TMEM232: variants seen among roughly 807,000 people sequenced by gnomAD.
The protein encoded by TMEM232 is transmembrane protein 232.
A neutral mutation model predicts 78.8 loss-of-function variants in TMEM232; 80 were observed. The observed-to-expected ratio is 1.01, with a 90% CI of 0.85 to 1.22. The LOEUF is 1.22. Ranked by LOEUF, TMEM232 falls within the 50% of genes most tolerant of loss-of-function variation. The probability of loss-of-function intolerance (pLI) is 0.00; values close to 1 mark genes in which losing one functional copy is unlikely to be tolerated. For missense variants in TMEM232, 881 were observed against 742.2 expected (o/e 1.19, Z -2.17); for synonymous variants, 297 against 254.3 (o/e 1.17, Z -1.60).
chr5:110,405,257 T>G (rs2112574256), intron 2 of TMEM232, among the ~76,000 whole-genome samples: 1 of 152,230 alleles, frequency 6.6e-6, no homozygotes, highest in South Asian at 2.1e-4. Context: ...ATAAAGATTC[T>G]GAATGCCAGT....
intron 11 of TMEM232, among the ~76,000 whole-genome samples, chr5:110,558,053 G>C (rs1423566507): frequency 6.6e-6 from 1 of 152,148 alleles, no homozygotes; most frequent in East Asian, 1.9e-4. Flanking sequence ...ATTATTTCAG[G>C]TAGCCAAAGT....
At chr5:110,731,290 C>T (rs148591495), upstream of TMEM232, among the ~76,000 whole-genome samples, 449 of 152,330 alleles carry the variant, frequency 2.9e-3, 1 homozygote, top group African/African-American at 0.01. Context: ...TCCAGGTGCA[C>T]AGTGCAAGCT....
rs748146866 is a variant in TMEM232 at position 110,528,679 on chromosome 5, A to G, written c.1612T>C (p.Leu538=). ...FPPIEAHFLP[L]KKPSIKKDQT... is the part of the protein sequence containing the mutation. ...TCCTTTTTTATTGATGGTTTCTTCA[A>G]AGGAAGAAAATGGGCCTCAATGGGG... Residue 538 remains leucine, a synonymous_variant, in exon 12 of 14, where the codon TTG becomes CTG. Transcript: ENST00000455884. The G allele has an allele frequency of 2.0e-6, 3 of 1,535,250 alleles. No individual in the cohort carries two copies. The highest frequency in any genetic ancestry group is 1.2e-5 in the South Asian group (1 of 83,972).
intron 5 of TMEM232, among the ~76,000 whole-genome samples, chr5:110,629,656 CT>C (rs936892392): frequency 2.6e-5 from 4 of 151,974 alleles, no homozygotes; most frequent in African/African-American, 9.7e-5. Flanking sequence ...CTCTTCTTCT[CT>C]TTTTTTCTGA....
intron 12 of TMEM232, among the ~76,000 whole-genome samples, chr5:110,515,182 G>C (rs1468032805): frequency 6.6e-6 from 1 of 152,186 alleles, no homozygotes; most frequent in Non-Finnish European, 1.5e-5. Flanking sequence ...TCTAAGGGTA[G>C]TACTTCACAT....
chr5:110,607,954 T>G (rs1380409822), intron 8 of TMEM232, among the ~76,000 whole-genome samples: 1 of 151,896 alleles, frequency 6.6e-6, no homozygotes, highest in African/African-American at 2.4e-5. Context: ...GAAGATTTCC[T>G]TAAGTACTCA....
At chr5:110,659,536 A>C (rs1789522815) in intron 2 of TMEM232, among the ~76,000 whole-genome samples, 1 of 152,086 alleles carries the variant, frequency 6.6e-6, no homozygotes, top group Non-Finnish European at 1.5e-5. Context: ...AACATGCAGA[A>C]ATATTTTCCA....
chr5:110,529,113 G>A (rs80024764), intron 11 of TMEM232, among the ~76,000 whole-genome samples: 4,212 of 152,020 alleles, frequency 0.028, 93 homozygotes, highest in African/African-American at 0.06. Context: ...TATACGTGCC[G>A]TGTAAGAATT....
At chr5:110,682,147 A>G (rs1792828177) in intron 1 of TMEM232, among the ~76,000 whole-genome samples, 1 of 152,162 alleles carries the variant, frequency 6.6e-6, no homozygotes, top group South Asian at 2.1e-4. Context: ...AGTAGCTATA[A>G]TTTTTCCTGA....
chr5:110,392,450 T>C (rs200754602), intron 3 of TMEM232, among the ~76,000 whole-genome samples: 1 of 152,226 alleles, frequency 6.6e-6, no homozygotes, highest in Non-Finnish European at 1.5e-5. Flanking sequence ...CAGGCTGTTA[T>C]GACAAAATAT....
intron 1 of TMEM232, among the ~76,000 whole-genome samples, chr5:110,671,687 T>C (rs367732941): frequency 1.8e-4 from 28 of 151,708 alleles, no homozygotes; most frequent in African/African-American, 4.4e-4. Context: ...TAAGTGGGAG[T>C]TGAACACTGA....
rs1370239508 is a variant in TMEM232 at position 110,431,545 on chromosome 5, T to TA, written c.1704-6630dup. On this transcript the variant is annotated intron_variant, in intron 12 of 13. Transcript: ENST00000455884. ...TTAATACAAAAAATCCAGAATTCAA[T>TA]AAAAAATGATAAGGCATACTGGGCA... Among the ~76,000 whole-genome samples, 6 of 151,702 alleles carry TA rather than the reference T, an allele frequency of 4.0e-5. No individual in the cohort carries two copies. The East Asian group carries it at 1.2e-3, about 29-fold the overall frequency.
chr5:110,571,413 A>G (rs1776923945), intron 10 of TMEM232, among the ~76,000 whole-genome samples: 1 of 152,048 alleles, frequency 6.6e-6, no homozygotes, highest in South Asian at 2.1e-4. Context: ...CAGCAAATCA[A>G]GACATTTAGG....
At chr5:110,475,381 T>C (rs923443374) in intron 12 of TMEM232, among the ~76,000 whole-genome samples, 3 of 151,478 alleles carry the variant, frequency 2.0e-5, no homozygotes, top group Non-Finnish European at 4.4e-5. Flanking sequence ...TGACAGATTG[T>C]ACTTTTAAAT....
intron 8 of TMEM232, chr5:110,617,978 T>C (rs1481594789): frequency 5.8e-6 from 1 of 171,948 alleles, no homozygotes; most frequent in Non-Finnish European, 1.2e-5. Context: ...AACACTGCAT[T>C]CCAGCCTGGG....
intron 12 of TMEM232, among the ~76,000 whole-genome samples, chr5:110,505,219 G>C (rs1013440910): frequency 1.3e-5 from 2 of 152,060 alleles, no homozygotes; most frequent in African/African-American, 4.8e-5. Flanking sequence ...ACAAATACAA[G>C]AAGGACACTG....
chr5:110,460,467 A>G lies in TMEM232; in HGVS notation c.1704-35551T>C, dbSNP rs1761396015. ...TGTATTAAAGCAATATGTTACCTCA[A>G]AAATATTTGCATTAAGATGCTAAAC... On this transcript the variant is annotated intron_variant, in intron 12 of 13. Transcript: ENST00000455884. Among the ~76,000 whole-genome samples, 3 of 152,306 alleles carry G rather than the reference A, an allele frequency of 2.0e-5. No individual in the cohort carries two copies. In the South Asian group the frequency reaches 6.2e-4, roughly 32 times the overall value.
intron 1 of TMEM232, among the ~76,000 whole-genome samples, chr5:110,709,441 T>C (rs1225730217): frequency 2.0e-5 from 3 of 152,106 alleles, no homozygotes; most frequent in Non-Finnish European, 2.9e-5. Context: ...CATTCTTCTC[T>C]TCAGCACATG....
chr5:110,470,850 CA>C (rs1762592352), intron 12 of TMEM232, among the ~76,000 whole-genome samples: 1 of 152,162 alleles, frequency 6.6e-6, no homozygotes, highest in Non-Finnish European at 1.5e-5. Context: ...GAAAATCTGA[CA>C]CCACCAAAGG....
Sources: gnomAD v4.1 joint callset for allele counts (sites outside exome capture counted in the v4.1 genomes callset) on GRCh38, gnomAD v4.1.1 for gene constraint, MANE v1.5 for transcripts, NCBI Gene and HGNC (gene_info 2026-07-23, HGNC 2026-07-21) for gene names.